Variants in AHRR observed in about 807,000 individuals in gnomAD.
AHRR encodes aryl hydrocarbon receptor repressor.
In AHRR, 28 loss-of-function variants were observed where a neutral mutation model predicts 44.0. That is an observed-to-expected ratio of 0.64 (90% CI 0.47 to 0.87). The LOEUF (loss-of-function observed/expected upper bound fraction) is 0.87. Ranked by LOEUF, AHRR falls within the 40% of genes least tolerant of loss-of-function variation. The pLI, the probability that AHRR is intolerant of heterozygous loss-of-function variation, is 0.00. For missense variants in AHRR, 990 were observed against 953.9 expected (o/e 1.04, Z -0.50); for synonymous variants, 434 against 407.0 (o/e 1.07, Z -0.80).
chr5:355,272 G>T (rs748116349), intron 3 of AHRR, among the ~76,000 whole-genome samples: 2 of 151,914 alleles, frequency 1.3e-5, no homozygotes, highest in Non-Finnish European at 2.9e-5. Context: ...GGTCTGGTGT[G>T]GTGGAGTGGG....
chr5:352,157 G>A (rs1742879265), intron 2 of AHRR, among the ~76,000 whole-genome samples: 1 of 152,278 alleles, frequency 6.6e-6, no homozygotes, highest in African/African-American at 2.4e-5. Flanking sequence ...GAACGAGATG[G>A]CAGTTGAAGT....
chr5:396,278 C>T (rs1734702529), intron 4 of AHRR, among the ~76,000 whole-genome samples: 1 of 152,152 alleles, frequency 6.6e-6, no homozygotes, highest in Non-Finnish European at 1.5e-5. Flanking sequence ...AAAGGACGGC[C>T]GTGTGGGGAC....
At chr5:431,163 C>T (rs1265532608) in intron 8 of AHRR, among the ~76,000 whole-genome samples, 2 of 152,184 alleles carry the variant, frequency 1.3e-5, no homozygotes, top group African/African-American at 2.4e-5. Flanking sequence ...CAGGCCTGGC[C>T]CTGTGTGCGC....
intron 3 of AHRR, chr5:368,058 A>G (rs887366816): frequency 2.2e-5 from 14 of 624,988 alleles, no homozygotes; most frequent in South Asian, 1.2e-4. Flanking sequence ...TTGTAAATTC[A>G]TGGTTACATA....
At chr5:410,324 G>T (rs1224119122) in intron 4 of AHRR, among the ~76,000 whole-genome samples, 2 of 152,062 alleles carry the variant, frequency 1.3e-5, no homozygotes, top group East Asian at 3.9e-4. Context: ...AGCCTCCCAA[G>T]TAGCTGGGAC....
In AHRR at chr5:405,432, G is replaced by A. The variant is rs529368948; in HGVS notation, c.352-7912G>A. 3.9e-5 allele frequency among the ~76,000 whole-genome samples: 6 copies of A among 152,308 alleles called. No individual in the cohort carries two copies. In the South Asian group the frequency reaches 8.3e-4, roughly 21 times the overall value. ...AGCATTGGCCTATTTTGTCACCGTG[G>A]AGCAGCCTATGGTGTTGCCCGCTGT... On this transcript the variant is annotated intron_variant, in intron 4 of 10. Coordinates refer to ENST00000684583, the MANE Select transcript of AHRR (RefSeq NM_001377236.1). The surrounding 1 kb of genome is among the most constrained non-coding windows in gnomAD (Gnocchi z 4.5).
At chr5:431,366 G>C (rs1432396536) in intron 8 of AHRR, among the ~76,000 whole-genome samples, 3 of 152,194 alleles carry the variant, frequency 2.0e-5, no homozygotes, top group Non-Finnish European at 1.5e-5. Context: ...AAACTCAGAA[G>C]GGGGAAGAAA....
rs958968453 is a variant in AHRR at position 387,993 on chromosome 5, T to A, written c.351+11277T>A. ...TTGTGAATCTGCATCTCTGTCAGTGTGTCTGGGTACAAATCTCCCTCTTGT... is the reference window on the plus strand; with the variant it reads ...TTGTGAATCTGCATCTCTGTCAGTGAGTCTGGGTACAAATCTCCCTCTTGT... On this transcript the variant is annotated intron_variant, in intron 4 of 10. Coordinates refer to ENST00000684583, the MANE Select transcript of AHRR (RefSeq NM_001377236.1). The surrounding 1 kb of genome is among the most constrained non-coding windows in gnomAD (Gnocchi z 5.1). 1.3e-5 allele frequency among the ~76,000 whole-genome samples: 2 copies of A among 152,246 alleles called. No individual in the cohort carries two copies. The highest frequency in any genetic ancestry group is 4.8e-5 in the African/African-American group (2 of 41,464).
intron 1 of AHRR, among the ~76,000 whole-genome samples, chr5:341,987 T>G (rs534916523): frequency 6.6e-6 from 1 of 152,340 alleles, no homozygotes; most frequent in East Asian, 1.9e-4. Flanking sequence ...TAAAAGTGGG[T>G]TGCTTTCCAA....
intron 1 of AHRR, among the ~76,000 whole-genome samples, chr5:340,588 T>A (rs371467059): frequency 4.1e-5 from 6 of 145,396 alleles, no homozygotes; most frequent in African/African-American, 1.3e-4. Context: ...AGGGGCTCTA[T>A]CTCCAATACA....
chr5:419,872 T>TA lies in AHRR; in HGVS notation c.442-2856dup, dbSNP rs1333496353. 6.6e-6 allele frequency among the ~76,000 whole-genome samples: 1 copy of TA among 152,208 alleles called. No individual in the cohort carries two copies. Among genetic ancestry groups the TA allele is most frequent in the Non-Finnish European group, 1.5e-5 (1 of 68,020 alleles). ...GGTCTTTGTTTCCTTGGTTTTGTGT[T>TA]ATGTGTGCCAGGGTGTAAAGTGGAT... On this transcript the variant is annotated intron_variant, in intron 5 of 10. Transcript: ENST00000684583. This position sits in a 1 kb window ranked among gnomAD's most constrained non-coding sequence, Gnocchi z 4.4.
Position 395,553 on chromosome 5 carries a change from A to G in AHRR, c.352-17791A>G, listed in dbSNP as rs183027012. 1.8e-3 allele frequency among the ~76,000 whole-genome samples: 280 copies of G among 152,344 alleles called. 1 individual carries two copies. The highest frequency in any genetic ancestry group is 6.4e-3 in the African/African-American group (266 of 41,594). On this transcript the variant is annotated intron_variant, in intron 4 of 10. Transcript: ENST00000684583. This position sits in a 1 kb window ranked among gnomAD's most constrained non-coding sequence, Gnocchi z 5.3. ...TCCAGCTCCCACCCTGCCTGTGCCC[A>G]GTGGCAGCCGAGCAGGGCCTCACAA... is the stretch of plus-strand genomic sequence containing the variant.
At chr5:424,443 T>C (rs1353241266) in intron 7 of AHRR, among the ~76,000 whole-genome samples, 42 of 140,040 alleles carry the variant, frequency 3.0e-4, no homozygotes, top group East Asian at 8.8e-4. Flanking sequence ...GGTATGGGGG[T>C]GTTAACCCAT....
In AHRR at chr5:404,130, C is replaced by T. The variant is rs146407901; in HGVS notation, c.352-9214C>T. 5.0e-4 allele frequency: 274 copies of T among 548,152 alleles called. No individual in the cohort carries two copies. Among genetic ancestry groups the T allele is most frequent in the African/African-American group, 3.7e-3 (197 of 52,778 alleles). The allele number at this position is 548,152 out of a possible 1,614,324, so 34.0% of individuals were successfully genotyped here. On this transcript the variant is annotated intron_variant, in intron 4 of 10. Coordinates refer to ENST00000684583, the MANE Select transcript of AHRR (RefSeq NM_001377236.1). The surrounding 1 kb of genome is among the most constrained non-coding windows in gnomAD (Gnocchi z 4.1). ...GTCCAGGTTTGGGGTTACCCTTCTC[C>T]GTCTCTCTCAGCCTCAGCCGTTCCT... is the stretch of plus-strand genomic sequence containing the variant.
intron 10 of AHRR, 72 bp downstream of exon 10, chr5:433,019 G>T (rs1330192655): frequency 1.0e-5 from 15 of 1,467,902 alleles, no homozygotes; most frequent in Non-Finnish European, 1.3e-5. Flanking sequence ...AAGAGCGGGT[G>T]GGGGAGTGAT....
intron 4 of AHRR, among the ~76,000 whole-genome samples, chr5:391,323 A>ATGGGGG (rs1553984914): frequency 1.5e-5 from 2 of 132,454 alleles, no homozygotes; most frequent in African/African-American, 5.8e-5. Flanking sequence ...CAGAGCGTGC[A>ATGGGGG]CGGGCGCAGG....
chr5:404,232 C>A lies in AHRR; in HGVS notation c.352-9112C>A. The A allele has an allele frequency of 3.9e-6, 2 of 515,492 alleles. No individual in the cohort carries two copies. Among genetic ancestry groups the A allele is most frequent in the South Asian group, 3.1e-5 (2 of 64,510 alleles). 31.9% of individuals were successfully genotyped at this position (515,492 alleles called of 1,614,324 possible). The stretch of plus-strand genomic sequence containing the variant: ...TCGCAGCTCTCGCTCATCCATGAGT[C>A]TAATCACATCTGCTCCATGCATGTT... On this transcript the variant is annotated intron_variant, in intron 4 of 10. Coordinates refer to ENST00000684583, the MANE Select transcript of AHRR (RefSeq NM_001377236.1). This position sits in a 1 kb window ranked among gnomAD's most constrained non-coding sequence, Gnocchi z 4.1.
rs1233922213 is a variant in AHRR at position 344,408 on chromosome 5, G to GT, written c.62+444_62+445insT. Reference sequence around the variant, plus strand: ...TGTGTCTGCGGGTGGGGAGGGCTGCGGGGGTGTGTGCGGTATGTGTGAGGC... The same window carrying GT: ...TGTGTCTGCGGGTGGGGAGGGCTGCGTGGGGTGTGTGCGGTATGTGTGAGGC... On this transcript the variant is annotated intron_variant, in intron 2 of 10. Coordinates refer to ENST00000684583, the MANE Select transcript of AHRR (RefSeq NM_001377236.1). Among the ~76,000 whole-genome samples, 24 of 34,280 alleles carry GT rather than the reference G, an allele frequency of 7.0e-4. 4 individuals are homozygous for GT. The highest frequency in any genetic ancestry group is 1.3e-3 in the African/African-American group (9 of 6,862). 22.5% of individuals were successfully genotyped at this position (34,280 alleles called of 152,430 possible).
chr5:352,645 T>C (rs1238022984), intron 2 of AHRR, among the ~76,000 whole-genome samples: 2 of 136,512 alleles, frequency 1.5e-5, no homozygotes, highest in Non-Finnish European at 3.2e-5. Flanking sequence ...ATAGGTCAGC[T>C]GTAGGGGACG....
Sources: gnomAD v4.1 joint callset for allele counts (sites outside exome capture counted in the v4.1 genomes callset) on GRCh38, gnomAD v4.1.1 for gene constraint, Gnocchi (gnomAD v3.1) non-coding constraint, MANE v1.5 for transcripts, NCBI Gene and HGNC (gene_info 2026-07-23, HGNC 2026-07-21) for gene names.